The following RCC1L variants were observed in gnomAD, a reference collection of about 807,000 sequenced individuals.
RCC1L encodes RCC1-like G exchanging factor-like protein.
Under a neutral mutation model 58.6 loss-of-function variants are expected in RCC1L, and 46 were observed. The observed-to-expected ratio is 0.79, with a 90% CI of 0.62 to 1.00. The LOEUF (loss-of-function observed/expected upper bound fraction) is 1.00, where lower values mean the gene tolerates loss of function less well. Among genes scored for constraint, RCC1L ranks in the 50% least tolerant of loss-of-function variants. RCC1L has a pLI of 0.00. For synonymous variants in RCC1L, 281 were observed against 262.9 expected (o/e 1.07, Z -0.67); for missense variants, 636 against 623.6 (o/e 1.02, Z -0.21).
intron 1 of RCC1L, among the ~76,000 whole-genome samples, chr7:75,073,210 C>A (rs1554446408): frequency 6.6e-6 from 1 of 152,218 alleles, no homozygotes; most frequent in Non-Finnish European, 1.5e-5. Context: ...CGACCCGGCA[C>A]AACATCTGGC....
Position 75,042,990 on chromosome 7 carries a change from A to G in RCC1L, c.*42T>C. ...GCGCTGGCCTCTGCCAAGGAGTGCC[A>G]GTGGTTCCCGGGACGGGGCCGCCCA... On this transcript the variant is annotated 3_prime_UTR_variant, in exon 11 of 11. Transcript: ENST00000610322. 2.5e-6 allele frequency: 4 copies of G among 1,613,892 alleles called. No individual in the cohort carries two copies. Among genetic ancestry groups the G allele is most frequent in the Non-Finnish European group, 3.4e-6 (4 of 1,179,826 alleles).
chr7:75,047,390 C>T (rs1334711693), intron 10 of RCC1L, among the ~76,000 whole-genome samples: 1 of 152,124 alleles, frequency 6.6e-6, no homozygotes, highest in Non-Finnish European at 1.5e-5. Context: ...CCTCAGCCTC[C>T]CAGGGAGCTG....
intron 2 of RCC1L, among the ~76,000 whole-genome samples, chr7:75,067,535 A>C (rs1483922569): frequency 6.6e-6 from 1 of 152,078 alleles, no homozygotes; most frequent in Non-Finnish European, 1.5e-5. Flanking sequence ...AGGCTGAGGC[A>C]GGAGAACTGC....
At chr7:75,065,722 A>G (rs1467966658) in intron 3 of RCC1L, among the ~76,000 whole-genome samples, 1 of 152,132 alleles carries the variant, frequency 6.6e-6, no homozygotes, top group Non-Finnish European at 1.5e-5. Context: ...ATTCCAATAG[A>G]AAAAGCCACT....
downstream of RCC1L, chr7:75,042,062 T>C: frequency 1.7e-6 from 1 of 588,752 alleles, no homozygotes; most frequent in Non-Finnish European, 2.1e-6. Flanking sequence ...AAAAATAAAA[T>C]AAAAAGACCT....
At chr7:75,031,757 A>T (rs1017575219) in intron 10 of RCC1L, among the ~76,000 whole-genome samples, 1 of 152,168 alleles carries the variant, frequency 6.6e-6, no homozygotes, top group African/African-American at 2.4e-5. Flanking sequence ...ATCATTATTT[A>T]TAGGTCACAT....
chr7:75,043,223 C>A (rs1805619058), intron 10 of RCC1L, 114 bp from the exon 11 acceptor site: 1 of 1,190,650 alleles, frequency 8.4e-7, no homozygotes, highest in East Asian at 2.4e-5. Context: ...TAGGAGACAG[C>A]TTGTCTCAGC....
intron 3 of RCC1L, 51 bp from the exon 4 acceptor site, chr7:75,064,699 A>G: frequency 6.3e-7 from 1 of 1,599,726 alleles, no homozygotes; most frequent in Non-Finnish European, 8.6e-7. Context: ...GTGGGATCCT[A>G]GAATGTGAGG....
At chr7:75,051,117 C>A (rs1250208483) in intron 10 of RCC1L, among the ~76,000 whole-genome samples, 1 of 150,416 alleles carries the variant, frequency 6.6e-6, no homozygotes, top group East Asian at 1.9e-4. Context: ...AACAAAAAAA[C>A]AAAGTTAAAG....
chr7:75,056,130 A>C, intron 8 of RCC1L, 56 bp from the exon 9 acceptor site: 1 of 1,598,536 alleles, frequency 6.3e-7, no homozygotes, highest in Non-Finnish European at 8.6e-7. Flanking sequence ...AACCTCCCTC[A>C]CCAGAAACTC....
At chr7:75,068,685 A>G (rs1218872398) in intron 2 of RCC1L, among the ~76,000 whole-genome samples, 1 of 152,052 alleles carries the variant, frequency 6.6e-6, no homozygotes, top group Non-Finnish European at 1.5e-5. Context: ...CTCCATCTCA[A>G]ACAAACAAAC....
exon 11 of RCC1L, chr7:75,027,214 C>G (rs1805160046): frequency 6.6e-6 from 1 of 152,234 alleles, no homozygotes; most frequent in South Asian, 2.1e-4. Context: ...GAGAACAAAG[C>G]CAGCAGCTCA....
chr7:75,057,457 C>A (rs2131994291), intron 8 of RCC1L, 72 bp downstream of exon 8: 1 of 1,518,354 alleles, frequency 6.6e-7, no homozygotes, highest in South Asian at 1.1e-5. Context: ...CCTGCAAATC[C>A]AATGGACACT....
At chr7:75,044,699 T>C (rs1439034965) in intron 10 of RCC1L, among the ~76,000 whole-genome samples, 2 of 151,248 alleles carry the variant, frequency 1.3e-5, no homozygotes, top group African/African-American at 2.4e-5. Context: ...TTTTAACTGA[T>C]TTCTTATTAA....
chr7:75,073,372 G>A (rs1441514775), intron 1 of RCC1L, 42 bp downstream of exon 1: 3 of 915,356 alleles, frequency 3.3e-6, no homozygotes, highest in African/African-American at 3.5e-5. Context: ...CCGGGAGCGC[G>A]GAAGAGAGAG....
chr7:75,030,902 TG>T (rs1805284507), intron 10 of RCC1L, among the ~76,000 whole-genome samples: 1 of 152,142 alleles, frequency 6.6e-6, no homozygotes, highest in Non-Finnish European at 1.5e-5. Flanking sequence ...CCTCATCTAC[TG>T]GGGCTCATTC....
rs1806049037 is a variant in RCC1L at position 75,055,580 on chromosome 7, T to G, written c.1231+321A>C. On this transcript the variant is annotated intron_variant, in intron 9 of 10. Coordinates refer to ENST00000610322, the MANE Select transcript of RCC1L (RefSeq NM_030798.5). ...CACCCACCCATGGATCCGCCAAGCC[T>G]CTGCTGGTTTCCTCCAGCACCCGAC... is the stretch of plus-strand genomic sequence containing the variant. The G allele has an allele frequency of 1.0e-5, 4 of 391,882 alleles. No individual in the cohort carries two copies. In the East Asian group the frequency reaches 2.3e-4, roughly 23 times the overall value. The allele number at this position is 391,882 out of a possible 1,614,324, so 24.3% of individuals were successfully genotyped here. A position where few individuals can be genotyped will look rare whatever the true frequency, so the allele number is the denominator to read the frequency against.
Position 75,056,509 on chromosome 7 carries a change from G to A in RCC1L, c.1058-435C>T, listed in dbSNP as rs960036335. On this transcript the variant is annotated intron_variant, in intron 8 of 10. Coordinates refer to ENST00000610322, the MANE Select transcript of RCC1L (RefSeq NM_030798.5). Reference sequence around the variant, plus strand: ...CCAGATTCTTAAAACTCTTAGAAATGATGTTTTGGTTATAGAAAGTTTAAT... The same window carrying A: ...CCAGATTCTTAAAACTCTTAGAAATAATGTTTTGGTTATAGAAAGTTTAAT... 6.0e-6 allele frequency: 9 copies of A among 1,499,658 alleles called. No homozygotes were observed. In the African/African-American group the frequency reaches 9.8e-5, roughly 16 times the overall value. 92.9% of individuals were successfully genotyped at this position (1,499,658 alleles called of 1,614,324 possible).
At chr7:75,036,773 G>A (rs1292413176) in intron 10 of RCC1L, among the ~76,000 whole-genome samples, 8 of 152,006 alleles carry the variant, frequency 5.3e-5, no homozygotes, top group Non-Finnish European at 7.4e-5. Context: ...GGTGGTGCAC[G>A]TCTGTAGTCC....
Sources: allele counts gnomAD v4.1 joint callset (sites outside exome capture counted in the v4.1 genomes callset), GRCh38; gene constraint gnomAD v4.1.1; transcripts MANE v1.5; gene names NCBI Gene and HGNC (gene_info 2026-07-23, HGNC 2026-07-21).